Variants in RCOR1 observed in about 807,000 individuals in gnomAD.
RCOR1 encodes the protein REST corepressor.
In RCOR1, 12 loss-of-function variants were observed where a neutral mutation model predicts 64.0. That is an observed-to-expected ratio of 0.19 (90% CI 0.12 to 0.30). The LOEUF is 0.30. RCOR1 is among the 10% of genes least tolerant of loss of function. The pLI, the probability that RCOR1 is intolerant of heterozygous loss-of-function variation, is 1.00. For missense variants in RCOR1, 502 were observed against 621.2 expected, an observed-to-expected ratio of 0.81 and a Z score of 2.04; for synonymous variants, 279 against 227.2, an observed-to-expected ratio of 1.23 and a Z score of -2.05.
chr14:102,635,245 T>C (rs1203497958), intron 2 of RCOR1, among the ~76,000 whole-genome samples: 2 of 152,226 alleles, frequency 1.3e-5, no homozygotes, highest in South Asian at 2.1e-4. Context: ...GGCTCATGCC[T>C]ATAATCCCAG....
intron 2 of RCOR1, among the ~76,000 whole-genome samples, chr14:102,607,412 TC>T (rs1893534804): frequency 6.6e-6 from 1 of 152,214 alleles, no homozygotes; most frequent in African/African-American, 2.4e-5. Flanking sequence ...AGATGTGTTT[TC>T]TTTTTTTTAT....
intron 2 of RCOR1, among the ~76,000 whole-genome samples, chr14:102,620,834 G>C (rs1893858189): frequency 6.6e-6 from 1 of 151,972 alleles, no homozygotes; most frequent in African/African-American, 2.4e-5. Context: ...CTTTTTTGCT[G>C]CTCCATTACT....
intron 11 of RCOR1, among the ~76,000 whole-genome samples, chr14:102,725,703 G>A (rs144048920): frequency 6.9e-4 from 105 of 152,128 alleles, no homozygotes; most frequent in Middle Eastern, 3.4e-3. Flanking sequence ...AGCCTCCCAA[G>A]TAGCTGGGAC....
At chr14:102,630,923 C>T (rs112490914) in intron 2 of RCOR1, among the ~76,000 whole-genome samples, 1 of 152,184 alleles carries the variant, frequency 6.6e-6, no homozygotes, top group Non-Finnish European at 1.5e-5. Flanking sequence ...TCTGGAACAG[C>T]TGGGCCTTTT....
intron 3 of RCOR1, among the ~76,000 whole-genome samples, chr14:102,688,258 GC>G (rs1171541087): frequency 6.6e-6 from 1 of 152,158 alleles, no homozygotes; most frequent in East Asian, 1.9e-4. Context: ...GAGCCACTGC[GC>G]CCGGCCAGCA....
intron 3 of RCOR1, among the ~76,000 whole-genome samples, chr14:102,700,353 C>G (rs1715695590): frequency 6.6e-6 from 1 of 152,142 alleles, no homozygotes; most frequent in African/African-American, 2.4e-5. Context: ...TCCCAAGTAG[C>G]TGGGATTACA....
At chr14:102,693,260 A>T (rs1038374102) in intron 3 of RCOR1, among the ~76,000 whole-genome samples, 1 of 152,138 alleles carries the variant, frequency 6.6e-6, no homozygotes, top group East Asian at 1.9e-4. Flanking sequence ...CATTTGTATG[A>T]CTATTTCTCT....
rs866415455 is a variant in RCOR1, at chr14:102,658,001, G to A, written c.362-23894G>A. On this transcript the variant is annotated intron_variant, in intron 2 of 11. Coordinates refer to ENST00000262241, the MANE Select transcript of RCOR1 (RefSeq NM_015156.4). ...TTTTATTTATTTATTTTGAGACAGA[G>A]TCTTGCTCTGTTGCCCAGGCTGGAG... is the stretch of plus-strand genomic sequence containing the variant. 3.3e-5 allele frequency: 31 copies of A among 931,246 alleles called. No homozygotes were observed. The African/African-American group carries it at 5.2e-4, about 16-fold the overall frequency. 57.7% of individuals were successfully genotyped at this position (931,246 alleles called of 1,614,324 possible).
At chr14:102,621,355 A>G (rs1420626399) in intron 2 of RCOR1, among the ~76,000 whole-genome samples, 3 of 144,822 alleles carry the variant, frequency 2.1e-5, no homozygotes, top group Non-Finnish European at 4.5e-5. Flanking sequence ...TGTCTTGCAC[A>G]CCAGTCTTTG....
chr14:102,648,940 C>T (rs1463653260), intron 2 of RCOR1, among the ~76,000 whole-genome samples: 1 of 151,914 alleles, frequency 6.6e-6, no homozygotes, highest in Non-Finnish European at 1.5e-5. Flanking sequence ...AGACAGGGCT[C>T]CAAAGGGGTG....
chr14:102,615,676 G>A (rs1217536169), intron 2 of RCOR1, among the ~76,000 whole-genome samples: 4 of 151,830 alleles, frequency 2.6e-5, no homozygotes, highest in Admixed American at 2.6e-4. Context: ...TCCAACTCCC[G>A]ACCTCAGATT....
rs1346059796 is a variant in RCOR1, at chr14:102,726,367, G to T, written c.1420-101G>T. ...AAAGAACTCGGTGTTTGCTCTGCAGGTTTGCTGGCTACCTTCTCTTTTCAG... is the reference window on the plus strand; with the variant it reads ...AAAGAACTCGGTGTTTGCTCTGCAGTTTTGCTGGCTACCTTCTCTTTTCAG... On this transcript the variant is annotated intron_variant, in intron 11 of 11. Coordinates refer to ENST00000262241, the MANE Select transcript of RCOR1 (RefSeq NM_015156.4). 4 of 1,050,072 alleles carry T rather than the reference G, an allele frequency of 3.8e-6. No homozygotes were observed. In the African/African-American group the frequency reaches 4.9e-5, roughly 13 times the overall value. 65.0% of individuals were successfully genotyped at this position (1,050,072 alleles called of 1,614,324 possible). A position where few individuals can be genotyped will look rare whatever the true frequency, so the allele number is the denominator to read the frequency against.
At chr14:102,625,272 C>T (rs1009923584) in intron 2 of RCOR1, among the ~76,000 whole-genome samples, 13 of 125,986 alleles carry the variant, frequency 1.0e-4, no homozygotes, top group Admixed American at 5.8e-4. Flanking sequence ...GAGTTTCACT[C>T]GTTCCCAGGA....
intron 2 of RCOR1, among the ~76,000 whole-genome samples, chr14:102,594,220 G>A (rs1409382541): frequency 1.3e-5 from 2 of 152,194 alleles, no homozygotes; most frequent in East Asian, 3.8e-4. Flanking sequence ...TATGGAAAAT[G>A]TTTGAAAGAA....
intron 2 of RCOR1, among the ~76,000 whole-genome samples, chr14:102,596,074 G>A (rs567525242): frequency 6.6e-6 from 1 of 151,964 alleles, no homozygotes; most frequent in Non-Finnish European, 1.5e-5. Flanking sequence ...GGGAAGGAAG[G>A]CTTCCATTTT....
At chr14:102,593,810 G>C (rs1392829580) in intron 2 of RCOR1, among the ~76,000 whole-genome samples, 1 of 152,154 alleles carries the variant, frequency 6.6e-6, no homozygotes, top group Non-Finnish European at 1.5e-5. Flanking sequence ...GCTGGCTCCT[G>C]ACTGCCCTCC....
chr14:102,615,280 A>G (rs565892744), intron 2 of RCOR1, among the ~76,000 whole-genome samples: 11 of 145,040 alleles, frequency 7.6e-5, no homozygotes, highest in Admixed American at 7.0e-4. Flanking sequence ...CTACAGGTGT[A>G]TGTCGTCATG....
At chr14:102,612,641 C>T (rs1312674755) in intron 2 of RCOR1, among the ~76,000 whole-genome samples, 1 of 151,888 alleles carries the variant, frequency 6.6e-6, no homozygotes, top group Non-Finnish European at 1.5e-5. Context: ...CAGCCTTGTT[C>T]ATTTCAATAT....
chr14:102,601,647 C>T (rs1893400392), intron 2 of RCOR1, among the ~76,000 whole-genome samples: 1 of 152,160 alleles, frequency 6.6e-6, no homozygotes, highest in African/African-American at 2.4e-5. Flanking sequence ...AAAATCTCAG[C>T]CAGAGTAGAT....
Sources: gnomAD v4.1 joint callset for allele counts (sites outside exome capture counted in the v4.1 genomes callset) on GRCh38, gnomAD v4.1.1 for gene constraint, MANE v1.5 for transcripts, NCBI Gene and HGNC (gene_info 2026-07-23, HGNC 2026-07-21) for gene names.